The following DNAH5 variants were observed in gnomAD, a reference collection of about 807,000 sequenced individuals.
DNAH5 encodes the protein dynein axonemal heavy chain 5.
In DNAH5, 372 loss-of-function variants were observed where a neutral mutation model predicts 518.2. The observed-to-expected ratio is 0.72, with a 90% CI of 0.66 to 0.78. The LOEUF is 0.78. Among genes scored for constraint, DNAH5 ranks in the 30% least tolerant of loss-of-function variants. DNAH5 has a pLI of 0.00. For synonymous variants in DNAH5, 2,039 were observed against 2,025.9 expected (o/e 1.01, Z -0.17); for missense variants, 5,523 against 5,687.0 (o/e 0.97, Z 0.93).
At chr5:13,782,795 A>C (rs190640438) in intron 52 of DNAH5, among the ~76,000 whole-genome samples, 1 of 152,218 alleles carries the variant, frequency 6.6e-6, no homozygotes, top group Non-Finnish European at 1.5e-5. Flanking sequence ...ATGAACAGAG[A>C]AGGCTTGCAA....
In DNAH5 at chr5:13,917,241, C is replaced by T. The variant is rs950364119; in HGVS notation, c.991G>A (p.Asp331Asn). Residue 331 changes from aspartate to asparagine, a missense_variant, in exon 8 of 79, where the codon GAT becomes AAT. Asp to Asn is a conservative substitution (Grantham distance 23). Coordinates refer to ENST00000265104, the MANE Select transcript of DNAH5 (RefSeq NM_001369.3). ...TTAGTTGCATCAGTGATTCGAATAT[C>T]CATCTCCCGCCAAGTCTAAGCACAA... ...SKLLKTWREM[D>N]IRITDATNEA... 6.2e-7 allele frequency: 1 copy of T among 1,613,704 alleles called. No homozygotes were observed. The highest frequency in any genetic ancestry group is 8.5e-7 in the Non-Finnish European group (1 of 1,179,770).
chr5:13,702,847 T>C (rs1579816516), intron 76 of DNAH5, among the ~76,000 whole-genome samples: 1 of 152,130 alleles, frequency 6.6e-6, no homozygotes, highest in Middle Eastern at 3.4e-3. Flanking sequence ...CGGGATGACA[T>C]ACCTGAGGCT....
In DNAH5 at chr5:13,919,226, C is replaced by T. The variant is rs776025009; in HGVS notation, c.925G>A (p.Val309Met). 5.6e-6 allele frequency: 9 copies of T among 1,614,126 alleles called. 1 individual carries two copies. The South Asian group carries it at 7.7e-5, about 14-fold the overall frequency. Reference protein sequence around the residue: ...YLLEQLKSPDVKAVLAVLAAA... With the variant: ...YLLEQLKSPDMKAVLAVLAAA... The stretch of plus-strand genomic sequence containing the variant: ...GCAAGCACTGCCAGCACAGCCTTCA[C>T]ATCCGGGCTTTTCAATTGTTCCAAA... The change falls in exon 7 of 79, where the codon GTG (valine) becomes ATG (methionine). Residue 309 changes from valine to methionine, a missense_variant. Physicochemically the swap from Val to Met is conservative, Grantham distance 21 (BLOSUM62 1). This residue lies in a region of DNAH5 where 5,121 missense variants were observed against 5,223.3 expected (regional missense o/e 0.98). Coordinates refer to ENST00000265104, the MANE Select transcript of DNAH5 (RefSeq NM_001369.3).
intron 1 of DNAH5, among the ~76,000 whole-genome samples, chr5:13,943,301 G>GA (rs1189240848): frequency 6.6e-6 from 1 of 152,190 alleles, no homozygotes; most frequent in Non-Finnish European, 1.5e-5. Context: ...AAAATGGAGA[G>GA]AACTCGCAAT....
intron 47 of DNAH5, among the ~76,000 whole-genome samples, chr5:13,799,818 T>C (rs938152047): frequency 7.2e-5 from 11 of 152,186 alleles, no homozygotes; most frequent in Non-Finnish European, 1.2e-4. Context: ...ATAAAAGCCA[T>C]TTGTGTTTCC....
intron 31 of DNAH5, among the ~76,000 whole-genome samples, chr5:13,849,711 T>A (rs795532): frequency 0.062 from 9,380 of 152,250 alleles, 305 homozygotes; most frequent in African/African-American, 0.079. Flanking sequence ...AGCAGCCGTC[T>A]CAAATTTTTT....
chr5:13,949,963 T>C (rs1581020719), intron 1 of DNAH5, among the ~76,000 whole-genome samples: 1 of 152,150 alleles, frequency 6.6e-6, no homozygotes, highest in East Asian at 1.9e-4. Flanking sequence ...TTATATGAGA[T>C]GGGTGGCCCA....
chr5:13,714,272 A>G, intron 75 of DNAH5, 133 bp downstream of exon 75: 1 of 948,300 alleles, frequency 1.1e-6, no homozygotes, highest in Non-Finnish European at 1.6e-6. Context: ...CTGGTTCTTT[A>G]AGAAGCTGGT....
In DNAH5 at chr5:13,827,059, T is replaced by C. The variant is rs191668917; in HGVS notation, c.6444+2451A>G. Among the ~76,000 whole-genome samples, 891 of 152,298 alleles carry C rather than the reference T, an allele frequency of 5.9e-3. 6 individuals carry two copies. Among genetic ancestry groups the C allele is most frequent in the African/African-American group, 0.02 (850 of 41,546 alleles). ...ACTGGAGTGAAGGTCACTGTTGCTA[T>C]ACAAAGAGACTGGCAGCATTTTGCC... On this transcript the variant is annotated intron_variant, in intron 38 of 78. Coordinates refer to ENST00000265104, the MANE Select transcript of DNAH5 (RefSeq NM_001369.3).
chr5:13,789,509 G>A (rs970633124), intron 50 of DNAH5, among the ~76,000 whole-genome samples: 4 of 152,170 alleles, frequency 2.6e-5, no homozygotes, highest in African/African-American at 9.6e-5. Context: ...ACAAATGTAT[G>A]TGTAAGCTTA....
chr5:13,946,173 G>A (rs537435198), upstream of DNAH5, among the ~76,000 whole-genome samples: 14 of 152,174 alleles, frequency 9.2e-5, no homozygotes, highest in Non-Finnish European at 1.9e-4. Context: ...TTGAATCGGT[G>A]CTTCCCTAAT....
intron 71 of DNAH5, 36 bp from the exon 72 acceptor site, chr5:13,719,137 G>C (rs372699843): frequency 2.4e-5 from 36 of 1,500,956 alleles, no homozygotes; most frequent in Non-Finnish European, 3.0e-5. Flanking sequence ...AGGTAGTTTT[G>C]TATTTCACCC....
At chr5:13,872,546 T>C (rs961176612) in intron 22 of DNAH5, among the ~76,000 whole-genome samples, 8 of 152,192 alleles carry the variant, frequency 5.3e-5, no homozygotes, top group East Asian at 1.9e-4. Context: ...TATTTTCCAC[T>C]ATTATTATAA....
intron 1 of DNAH5, among the ~76,000 whole-genome samples, chr5:13,934,010 T>C (rs1445819): frequency 0.66 from 99,436 of 151,732 alleles, 33,417 homozygotes; most frequent in African/African-American, 0.81. Flanking sequence ...TGTCAAGAAA[T>C]AGACTGTATT....
In DNAH5 at chr5:13,928,254, TA is replaced by T. The variant is rs1256848577; in HGVS notation, c.193-77del. The T allele has an allele frequency of 4.3e-5, 48 of 1,116,090 alleles. No homozygotes were observed. In the South Asian group the frequency reaches 6.2e-4, roughly 14 times the overall value. The allele number at this position is 1,116,090 out of a possible 1,614,324, so 69.1% of individuals were successfully genotyped here. Reference sequence around the variant, plus strand: ...TGCAATTAAATCAGCATTAATAATATAAAAAAGGAAAATTTACTGTCATCTT... The same window carrying T: ...TGCAATTAAATCAGCATTAATAATATAAAAAGGAAAATTTACTGTCATCTT... On this transcript the variant is annotated intron_variant, in intron 2 of 78. Coordinates refer to ENST00000265104, the MANE Select transcript of DNAH5 (RefSeq NM_001369.3).
At chr5:13,914,277 T>C (rs577931160) in intron 10 of DNAH5, among the ~76,000 whole-genome samples, 1 of 152,196 alleles carries the variant, frequency 6.6e-6, no homozygotes, top group Admixed American at 6.5e-5. Context: ...AACTACCTCA[T>C]ATTAGCTGTC....
At position 13,754,928 on chromosome 5, in the gene DNAH5, G is replaced by A. The variant is rs575027320; in HGVS notation, c.10420-590C>T. Among the ~76,000 whole-genome samples the A allele has an allele frequency of 2.6e-5, 4 of 151,980 alleles. No individual in the cohort carries two copies. The East Asian group carries it at 5.9e-4, about 23-fold the overall frequency. On this transcript the variant is annotated intron_variant, in intron 61 of 78. Transcript: ENST00000265104. ...GCTGCGAGGTGGGCGGATCACTTGA[G>A]GTCAGGAGTTCAAGACCAGCCTGAC...
intron 11 of DNAH5, among the ~76,000 whole-genome samples, chr5:13,913,023 C>T (rs1020978314): frequency 6.6e-6 from 1 of 151,710 alleles, no homozygotes; most frequent in African/African-American, 2.4e-5. Context: ...TGTTAGAGTA[C>T]AAAAATTAGT....
At chr5:13,945,300 G>T (rs1779821146), upstream of DNAH5, among the ~76,000 whole-genome samples, 1 of 152,214 alleles carries the variant, frequency 6.6e-6, no homozygotes, top group Non-Finnish European at 1.5e-5. Context: ...GGTTGGTCTT[G>T]TTGAATCTAG....
Sources: gnomAD v4.1 joint callset for allele counts (sites outside exome capture counted in the v4.1 genomes callset) on GRCh38, gnomAD v4.1.1 for gene constraint, gnomAD v4.1.1 regional missense constraint, MANE v1.5 for transcripts, NCBI Gene and HGNC (gene_info 2026-07-23, HGNC 2026-07-21) for gene names.